Variants in FHIT observed in about 807,000 individuals in gnomAD.
The protein encoded by FHIT is bis(5'-adenosyl)-triphosphatase.
Under a neutral mutation model 17.9 loss-of-function variants are expected in FHIT, and 19 were observed. The observed-to-expected ratio is 1.06, with a 90% CI of 0.74 to 1.56. The LOEUF is 1.56. Ranked by LOEUF, FHIT falls within the 40% of genes most tolerant of loss-of-function variation. The probability of loss-of-function intolerance (pLI) is 0.00; values close to 1 mark genes in which losing one functional copy is unlikely to be tolerated. For missense variants in FHIT, 248 were observed against 189.2 expected (o/e 1.31, Z -1.82); for synonymous variants, 81 against 69.7 (o/e 1.16, Z -0.81).
At chr3:61,023,770 T>C (rs948195643) in intron 3 of FHIT, among the ~76,000 whole-genome samples, 3 of 152,110 alleles carry the variant, frequency 2.0e-5, no homozygotes, top group African/African-American at 4.8e-5. Context: ...ATTTAATAAA[T>C]GGTGTTGGGA....
intron 5 of FHIT, among the ~76,000 whole-genome samples, chr3:60,504,584 T>G (rs1400706399): frequency 6.6e-6 from 1 of 152,146 alleles, no homozygotes; most frequent in Non-Finnish European, 1.5e-5. Flanking sequence ...TACAATATAT[T>G]GATTGAAGGA....
intron 3 of FHIT, among the ~76,000 whole-genome samples, chr3:60,928,593 TA>T (rs533923982): frequency 0.036 from 4,926 of 138,040 alleles, 160 homozygotes; most frequent in African/African-American, 0.095. Context: ...TTTTAAATGC[TA>T]AAAAAAAAAA....
chr3:60,384,814 C>A (rs1325666163), intron 5 of FHIT, among the ~76,000 whole-genome samples: 4 of 145,702 alleles, frequency 2.7e-5, no homozygotes, highest in African/African-American at 5.1e-5. Flanking sequence ...ATGAACAGAG[C>A]TAGGAGGTAT....
At chr3:60,807,059 T>C (rs1328904788) in intron 4 of FHIT, among the ~76,000 whole-genome samples, 1 of 152,234 alleles carries the variant, frequency 6.6e-6, no homozygotes, top group South Asian at 2.1e-4. Context: ...TCAATCATTG[T>C]TCTAAATTAT....
intron 4 of FHIT, among the ~76,000 whole-genome samples, chr3:60,754,831 G>C (rs1246551056): frequency 6.6e-6 from 1 of 152,132 alleles, no homozygotes; most frequent in Non-Finnish European, 1.5e-5. Context: ...AAACCTGACA[G>C]TGTCCCATTG....
intron 5 of FHIT, among the ~76,000 whole-genome samples, chr3:60,169,175 T>A (rs1247668424): frequency 6.6e-6 from 1 of 152,128 alleles, no homozygotes; most frequent in African/African-American, 2.4e-5. Context: ...TGCCAATACG[T>A]CAATCCACGT....
chr3:59,909,925 T>A (rs1471497296), intron 8 of FHIT, among the ~76,000 whole-genome samples: 1 of 152,230 alleles, frequency 6.6e-6, no homozygotes, highest in Non-Finnish European at 1.5e-5. Flanking sequence ...AACATTCTAT[T>A]TGAAGCTACA....
intron 8 of FHIT, among the ~76,000 whole-genome samples, chr3:59,854,561 G>T (rs1046383205): frequency 1.3e-5 from 2 of 152,090 alleles, no homozygotes; most frequent in Non-Finnish European, 2.9e-5. Flanking sequence ...CTCTCACACC[G>T]CAGAGCACTC....
At chr3:60,607,004 C>T (rs1576960742) in intron 4 of FHIT, among the ~76,000 whole-genome samples, 2 of 152,132 alleles carry the variant, frequency 1.3e-5, no homozygotes, top group South Asian at 2.1e-4. Flanking sequence ...CATTGAGAGG[C>T]TGCTCATTCC....
At chr3:60,830,296 T>C (rs1424172899) in intron 3 of FHIT, among the ~76,000 whole-genome samples, 1 of 152,168 alleles carries the variant, frequency 6.6e-6, no homozygotes, top group Non-Finnish European at 1.5e-5. Context: ...TTCCCTACAC[T>C]TACTTTTCTG....
intron 4 of FHIT, among the ~76,000 whole-genome samples, chr3:60,646,299 G>A (rs553577401): frequency 5.8e-4 from 88 of 151,970 alleles, no homozygotes; most frequent in African/African-American, 2.0e-3. Flanking sequence ...ATACATTTAC[G>A]CACACATTTT....
At chr3:59,949,091 A>G (rs934319093) in intron 7 of FHIT, among the ~76,000 whole-genome samples, 1 of 152,092 alleles carries the variant, frequency 6.6e-6, no homozygotes, top group African/African-American at 2.4e-5. Context: ...TACCATCTTT[A>G]TGTCCATGAG....
chr3:60,462,962 C>G (rs1361183636), intron 5 of FHIT, among the ~76,000 whole-genome samples: 1 of 152,220 alleles, frequency 6.6e-6, no homozygotes, highest in Non-Finnish European at 1.5e-5. Flanking sequence ...TGTGCACTGA[C>G]CACCTCTGTG....
chr3:60,560,554 G>C (rs1023088004), intron 4 of FHIT, among the ~76,000 whole-genome samples: 1 of 152,006 alleles, frequency 6.6e-6, no homozygotes, highest in African/African-American at 2.4e-5. Context: ...CCTCACCCCA[G>C]GTCTGCAGTG....
chr3:60,413,993 ATAAC>A (rs923060913), intron 5 of FHIT, among the ~76,000 whole-genome samples: 2 of 152,246 alleles, frequency 1.3e-5, no homozygotes, highest in African/African-American at 4.8e-5. Context: ...TACAACAGAA[ATAAC>A]TATGTAACTA....
intron 3 of FHIT, among the ~76,000 whole-genome samples, chr3:60,953,181 T>G (rs895200264): frequency 6.6e-6 from 1 of 152,190 alleles, no homozygotes; most frequent in Admixed American, 6.5e-5. Context: ...AAGGATAATA[T>G]AAGTGCCAAA....
intron 5 of FHIT, among the ~76,000 whole-genome samples, chr3:60,070,698 C>T (rs1209346932): frequency 2.0e-5 from 3 of 152,122 alleles, no homozygotes; most frequent in Admixed American, 6.5e-5. Flanking sequence ...TTGCAGACTG[C>T]GAGGCAGGGT....
At chr3:61,176,984 G>T (rs1278424397) in intron 2 of FHIT, among the ~76,000 whole-genome samples, 3 of 152,134 alleles carry the variant, frequency 2.0e-5, no homozygotes, top group African/African-American at 4.8e-5. Flanking sequence ...GACCATCCTG[G>T]CTAACACGGT....
chr3:60,289,260 C>T (rs1276973404), intron 5 of FHIT, among the ~76,000 whole-genome samples: 1 of 152,188 alleles, frequency 6.6e-6, no homozygotes, highest in East Asian at 1.9e-4. Context: ...AAAATGATCA[C>T]TCATTTCATT....
Sources: allele counts gnomAD v4.1 joint callset (sites outside exome capture counted in the v4.1 genomes callset), GRCh38; gene constraint gnomAD v4.1.1; transcripts MANE v1.5; gene names NCBI Gene and HGNC (gene_info 2026-07-23, HGNC 2026-07-21).